NCS1: variants seen among roughly 807,000 people sequenced by gnomAD.
The protein encoded by NCS1 is frequenin homolog.
Under a neutral mutation model 28.4 loss-of-function variants are expected in NCS1, and 6 were observed. That is an observed-to-expected ratio of 0.21 (90% CI 0.12 to 0.42). The LOEUF (loss-of-function observed/expected upper bound fraction) is 0.42. Ranked by LOEUF, NCS1 falls within the 10% of genes least tolerant of loss-of-function variation. The pLI is 1.00. For missense variants in NCS1, 131 were observed against 241.4 expected (o/e 0.54, Z 3.03); for synonymous variants, 86 against 99.3 (o/e 0.87, Z 0.79).
intron 1 of NCS1, among the ~76,000 whole-genome samples, chr9:130,195,251 T>C (rs1554906699): frequency 6.6e-6 from 1 of 152,096 alleles, no homozygotes; most frequent in Non-Finnish European, 1.5e-5. Flanking sequence ...GCCAAGGCCC[T>C]CTCTGGACCG....
At position 130,234,621 on chromosome 9, in the gene NCS1, G is replaced by A. The variant is rs1833553146; in HGVS notation, c.*1649G>A. 1 of 152,238 alleles carries A rather than the reference G, an allele frequency of 6.6e-6. No individual in the cohort carries two copies. The highest frequency in any genetic ancestry group is 1.5e-5 in the Non-Finnish European group (1 of 68,096). The allele number at this position is 152,238 out of a possible 1,614,324, so 9.4% of individuals were successfully genotyped here. Reference sequence around the variant, plus strand: ...AGTTTCCTGTGGCTGGTGATGCTGTGGTTAAGTTTGCTTGACCCCAGCAGC... The same window carrying A: ...AGTTTCCTGTGGCTGGTGATGCTGTAGTTAAGTTTGCTTGACCCCAGCAGC... On this transcript the variant is annotated 3_prime_UTR_variant, in exon 8 of 8. Transcript: ENST00000372398. The surrounding 1 kb of genome is among the most constrained non-coding windows in gnomAD (Gnocchi z 6.1).
At chr9:130,230,807 A>G (rs200650449) in intron 7 of NCS1, among the ~76,000 whole-genome samples, 1 of 78,734 alleles carries the variant, frequency 1.3e-5, no homozygotes, top group Non-Finnish European at 2.6e-5. Flanking sequence ...CTCCCCCCCC[A>G]CCCCCACTCT....
At chr9:130,194,299 G>T (rs1260825533) in intron 1 of NCS1, among the ~76,000 whole-genome samples, 1 of 152,238 alleles carries the variant, frequency 6.6e-6, no homozygotes, top group East Asian at 1.9e-4. Flanking sequence ...AGGAGCTGGA[G>T]TAGAGGAGCT....
intron 2 of NCS1, among the ~76,000 whole-genome samples, chr9:130,210,992 C>G (rs1413688294): frequency 6.9e-6 from 1 of 145,782 alleles, no homozygotes; most frequent in Non-Finnish European, 1.5e-5. Flanking sequence ...ACACAAGCCA[C>G]TGTGCCCGGC....
At position 130,188,022 on chromosome 9, in the gene NCS1, G is replaced by A. The variant is rs550581517; in HGVS notation, c.65-12936G>A. Among the ~76,000 whole-genome samples the A allele has an allele frequency of 2.6e-5, 4 of 152,354 alleles. No individual in the cohort carries two copies. In the South Asian group the frequency reaches 6.2e-4, roughly 24 times the overall value. On this transcript the variant is annotated intron_variant, in intron 1 of 7. Coordinates refer to ENST00000372398, the MANE Select transcript of NCS1 (RefSeq NM_014286.4). ...CATGATCCAAAGTGGGGAGATGGGG[G>A]GTGGTGGCCTGCTCGGCCTCTTGCA...
At chr9:130,223,246 T>C (rs978162464) in intron 6 of NCS1, 87 bp downstream of exon 6, 2 of 1,301,888 alleles carry the variant, frequency 1.5e-6, no homozygotes, top group African/African-American at 2.9e-5. Context: ...TGGGCCTGGC[T>C]TTGCTGCCAA....
At chr9:130,222,580 GA>G (rs1244619136) in intron 4 of NCS1, 69 bp from the exon 5 acceptor site, 1 of 1,303,054 alleles carries the variant, frequency 7.7e-7, no homozygotes, top group African/African-American at 1.5e-5. Flanking sequence ...GTACAGAGAG[GA>G]GGGGCGAGTT....
chr9:130,189,460 C>G (rs1832785412), intron 1 of NCS1, among the ~76,000 whole-genome samples: 1 of 152,114 alleles, frequency 6.6e-6, no homozygotes, highest in Non-Finnish European at 1.5e-5. Flanking sequence ...TGGGACTGAT[C>G]CGGATCCCTG....
intron 1 of NCS1, chr9:130,200,305 G>A (rs1832924009): frequency 2.1e-6 from 1 of 482,044 alleles, no homozygotes; most frequent in Non-Finnish European, 3.7e-6. Context: ...AAGCATTTTT[G>A]TTTGTTTCAT....
At chr9:130,207,940 T>TC (rs2131141657) in intron 2 of NCS1, among the ~76,000 whole-genome samples, 1 of 152,256 alleles carries the variant, frequency 6.6e-6, no homozygotes, top group South Asian at 2.1e-4. Context: ...ATCCCCCGCT[T>TC]CCCCATCCCT....
chr9:130,211,560 C>T (rs1268083822), intron 2 of NCS1, among the ~76,000 whole-genome samples: 3 of 151,560 alleles, frequency 2.0e-5, no homozygotes, highest in Non-Finnish European at 2.9e-5. Context: ...AAATCAGGTC[C>T]GCGGAGGACT....
chr9:130,176,147 TTTC>T (rs1832562243), intron 1 of NCS1, among the ~76,000 whole-genome samples: 3 of 54,276 alleles, frequency 5.5e-5, no homozygotes, highest in African/African-American at 1.1e-4. Context: ...ATTTTCTTTC[TTTC>T]TTTCTTTCTT....
In NCS1 at chr9:130,233,112, GC is replaced by G; in HGVS notation, c.*144del. Reference sequence around the variant, plus strand: ...CAGCCGGCTGCCCTTGACCCGGGAGGCCCCGGCTCTCCTCTCCCCTGTCCTG... The same window carrying G: ...CAGCCGGCTGCCCTTGACCCGGGAGGCCCGGCTCTCCTCTCCCCTGTCCTG... On this transcript the variant is annotated 3_prime_UTR_variant, in exon 8 of 8. Transcript: ENST00000372398. This position sits in a 1 kb window ranked among gnomAD's most constrained non-coding sequence, Gnocchi z 4.8. 6.5e-6 allele frequency: 1 copy of G among 153,008 alleles called. No individual in the cohort carries two copies. The highest frequency in any genetic ancestry group is 1.5e-5 in the Non-Finnish European group (1 of 68,466). 9.5% of individuals were successfully genotyped at this position (153,008 alleles called of 1,614,324 possible).
At chr9:130,218,250 G>T (rs894119536) in intron 3 of NCS1, among the ~76,000 whole-genome samples, 1 of 152,224 alleles carries the variant, frequency 6.6e-6, no homozygotes. Flanking sequence ...CTCTCACACA[G>T]ACGTGTATGT....
intron 1 of NCS1, among the ~76,000 whole-genome samples, chr9:130,188,314 C>T (rs1334085176): frequency 1.3e-5 from 2 of 152,190 alleles, no homozygotes; most frequent in African/African-American, 4.8e-5. Context: ...TCTGCTTCTT[C>T]TTCTTTGCCT....
chr9:130,181,971 G>T lies in NCS1; in HGVS notation c.64+9244G>T, dbSNP rs543458073. ...GGGAGGCACAGACAGGCCGGGAGCC[G>T]CGCCAAAGGCTGGGAGCTCAGCTGC... is the stretch of plus-strand genomic sequence containing the variant. On this transcript the variant is annotated intron_variant, in intron 1 of 7. Coordinates refer to ENST00000372398, the MANE Select transcript of NCS1 (RefSeq NM_014286.4). This position sits in a 1 kb window ranked among gnomAD's most constrained non-coding sequence, Gnocchi z 5.0. Among the ~76,000 whole-genome samples the T allele has an allele frequency of 1.3e-5, 2 of 152,012 alleles. No homozygotes were observed. The highest frequency in any genetic ancestry group is 4.8e-5 in the African/African-American group (2 of 41,378).
Position 130,186,591 on chromosome 9 carries a change from G to A in NCS1, c.64+13864G>A, listed in dbSNP as rs1163703319. On this transcript the variant is annotated intron_variant, in intron 1 of 7. Coordinates refer to ENST00000372398, the MANE Select transcript of NCS1 (RefSeq NM_014286.4). This position sits in a 1 kb window ranked among gnomAD's most constrained non-coding sequence, Gnocchi z 4.1. ...TCAGTCCTCACCTTCCAGGGCTCCC[G>A]AACCCCCAGCCCCAGGAAGGGGTGG... is the stretch of plus-strand genomic sequence containing the variant. 1.3e-5 allele frequency among the ~76,000 whole-genome samples: 2 copies of A among 152,072 alleles called. No individual in the cohort carries two copies. Among genetic ancestry groups the A allele is most frequent in the African/African-American group, 2.4e-5 (1 of 41,396 alleles).
chr9:130,217,257 G>A (rs10988645), intron 2 of NCS1, among the ~76,000 whole-genome samples: 37,839 of 152,218 alleles, frequency 0.25, 5,081 homozygotes, highest in Admixed American at 0.33. Flanking sequence ...TGGGACTGCA[G>A]GGTGGACAAG....
intron 1 of NCS1, among the ~76,000 whole-genome samples, chr9:130,193,081 G>A (rs948607348): frequency 6.6e-6 from 1 of 152,232 alleles, no homozygotes; most frequent in African/African-American, 2.4e-5. Flanking sequence ...GGCCCGGTGT[G>A]GGGGCAGGAG....
Sources: gnomAD v4.1 joint callset for allele counts (sites outside exome capture counted in the v4.1 genomes callset) on GRCh38, gnomAD v4.1.1 for gene constraint, Gnocchi (gnomAD v3.1) non-coding constraint, MANE v1.5 for transcripts, NCBI Gene and HGNC (gene_info 2026-07-23, HGNC 2026-07-21) for gene names.